Variants in PHF24 observed in about 807,000 individuals in gnomAD.
PHF24 encodes PHD finger protein 24, also known as Galpha inhibitory interacting protein.
PHF24 carries 25 observed loss-of-function variants against 42.6 expected under a neutral mutation model. That is an observed-to-expected ratio of 0.59 (90% CI 0.43 to 0.82). The LOEUF (loss-of-function observed/expected upper bound fraction) is 0.82, where lower values mean the gene tolerates loss of function less well. PHF24 is among the 40% of genes least tolerant of loss of function. The probability of loss-of-function intolerance (pLI) is 0.00; values close to 1 mark genes in which losing one functional copy is unlikely to be tolerated. For missense variants in PHF24, 470 were observed against 538.1 expected (o/e 0.87, Z 1.25); for synonymous variants, 185 against 204.8 (o/e 0.90, Z 0.83).
the PHF24 span, among the ~76,000 whole-genome samples, chr9:34,760,476 C>T: frequency 6.6e-6 from 1 of 152,252 alleles, no homozygotes; most frequent in East Asian, 1.9e-4. Context: ...AGCGGCAACA[C>T]TTTTACAGGT....
the PHF24 span, among the ~76,000 whole-genome samples, chr9:34,912,484 A>G: frequency 2.6e-5 from 4 of 152,208 alleles, no homozygotes; most frequent in African/African-American, 9.7e-5. Flanking sequence ...TCACAAGTCC[A>G]TACTCACCAC....
At chr9:34,840,564 A>G in the PHF24 span, among the ~76,000 whole-genome samples, 1 of 147,166 alleles carries the variant, frequency 6.8e-6, no homozygotes, top group African/African-American at 2.5e-5. Context: ...TCTTCTGACA[A>G]GGTCACCCAG....
the PHF24 span, chr9:34,690,424 C>CTGTGTGTG: frequency 7.6e-3 from 4,587 of 607,426 alleles, 29 homozygotes; most frequent in East Asian, 0.013. Flanking sequence ...TTGAGGACAC[C>CTGTGTGTG]TGTGTGTGTG....
chr9:34,880,567 A>G, the PHF24 span, among the ~76,000 whole-genome samples: 1 of 152,224 alleles, frequency 6.6e-6, no homozygotes, highest in Non-Finnish European at 1.5e-5. Flanking sequence ...CTAGTCTCTT[A>G]TAAAACAGAC....
At chr9:34,709,852 C>T in the PHF24 span, 2 of 1,614,238 alleles carry the variant, frequency 1.2e-6, no homozygotes, top group Non-Finnish European at 1.7e-6. Flanking sequence ...GGGAATCTTC[C>T]TTTGGCTGTA....
At chr9:34,712,231 T>C in the PHF24 span, among the ~76,000 whole-genome samples, 2 of 152,202 alleles carry the variant, frequency 1.3e-5, no homozygotes, top group African/African-American at 4.8e-5. Flanking sequence ...TTGCTGCTTT[T>C]AAAATCTTTG....
chr9:34,814,403 A>T, the PHF24 span, among the ~76,000 whole-genome samples: 1 of 152,222 alleles, frequency 6.6e-6, no homozygotes, highest in Non-Finnish European at 1.5e-5. Flanking sequence ...ATTTACAACA[A>T]GCAACTTTTA....
At chr9:34,974,837 C>T (rs1417398357) in intron 3 of PHF24, among the ~76,000 whole-genome samples, 6 of 152,160 alleles carry the variant, frequency 3.9e-5, no homozygotes, top group Admixed American at 2.0e-4. Flanking sequence ...GCTCTTCCTC[C>T]ACTCCTTATC....
chr9:34,861,718 A>T, the PHF24 span, among the ~76,000 whole-genome samples: 1 of 152,362 alleles, frequency 6.6e-6, no homozygotes, highest in African/African-American at 2.4e-5. Context: ...CTTACAGAAG[A>T]ATGACAGTTT....
At chr9:34,900,095 G>A in the PHF24 span, among the ~76,000 whole-genome samples, 27 of 152,154 alleles carry the variant, frequency 1.8e-4, no homozygotes, top group African/African-American at 5.8e-4. Context: ...TATGGACACC[G>A]TGGGGAACTC....
chr9:34,694,072 G>C, the PHF24 span, among the ~76,000 whole-genome samples: 1 of 151,338 alleles, frequency 6.6e-6, no homozygotes, highest in African/African-American at 2.4e-5. Flanking sequence ...GGCTCACCTT[G>C]GCCTCCCAAA....
the PHF24 span, among the ~76,000 whole-genome samples, chr9:34,817,347 C>T: frequency 2.0e-5 from 3 of 152,100 alleles, no homozygotes; most frequent in East Asian, 3.8e-4. Context: ...TGGGGTCAAG[C>T]CATCTTCCTG....
the PHF24 span, among the ~76,000 whole-genome samples, chr9:34,738,333 T>A: frequency 1.3e-5 from 2 of 152,114 alleles, no homozygotes; most frequent in Non-Finnish European, 2.9e-5. Context: ...AGAGTCCCAA[T>A]TTTTAGACTT....
At chr9:34,690,047 T>C in the PHF24 span, 1 of 1,610,576 alleles carries the variant, frequency 6.2e-7, no homozygotes, top group South Asian at 1.1e-5. Flanking sequence ...CCGGAGAGAA[T>C]GGAGCCCCAG....
At chr9:34,693,353 G>A in the PHF24 span, among the ~76,000 whole-genome samples, 1 of 152,232 alleles carries the variant, frequency 6.6e-6, no homozygotes, top group Non-Finnish European at 1.5e-5. Context: ...AGTGGTGGAA[G>A]GAGAGAGGGG....
At chr9:34,889,620 C>A in the PHF24 span, 1 of 398,450 alleles carries the variant, frequency 2.5e-6, no homozygotes. Context: ...GTTATCCAAG[C>A]CAACTTCTGG....
At chr9:34,760,999 A>T in the PHF24 span, among the ~76,000 whole-genome samples, 4 of 151,908 alleles carry the variant, frequency 2.6e-5, no homozygotes, top group Non-Finnish European at 5.9e-5. Context: ...GTCAAAAAAA[A>T]AAAAAAGTAA....
chr9:34,756,574 G>A, the PHF24 span, among the ~76,000 whole-genome samples: 4 of 152,080 alleles, frequency 2.6e-5, no homozygotes, highest in South Asian at 8.3e-4. Flanking sequence ...TGGTCTATGT[G>A]TCACCTTTAT....
At chr9:34,920,091 C>G in the PHF24 span, among the ~76,000 whole-genome samples, 6 of 152,256 alleles carry the variant, frequency 3.9e-5, no homozygotes, top group Non-Finnish European at 8.8e-5. Context: ...ATGGCTGAAT[C>G]ATATGGTAGC....
Sources: gnomAD v4.1 joint callset for allele counts (sites outside exome capture counted in the v4.1 genomes callset) on GRCh38, gnomAD v4.1.1 for gene constraint, MANE v1.5 for transcripts, NCBI Gene and HGNC (gene_info 2026-07-23, HGNC 2026-07-21) for gene names.